The following TMEM97 variants were observed in gnomAD, a reference collection of about 807,000 sequenced individuals.
The protein encoded by TMEM97 is sigma intracellular receptor 2.
In TMEM97, 13 loss-of-function variants were observed where a neutral mutation model predicts 18.3. The ratio of observed to expected loss-of-function variants is 0.71; its 90% CI spans 0.46 to 1.13. TMEM97 has a LOEUF of 1.13. Among genes scored for constraint, TMEM97 ranks in the 50% most tolerant of loss-of-function variants. TMEM97 has a pLI of 0.00. For missense variants in TMEM97, 205 were observed against 210.5 expected, an observed-to-expected ratio of 0.97 and a Z score of 0.16; for synonymous variants, 76 against 85.3, an observed-to-expected ratio of 0.89 and a Z score of 0.60.
At position 28,325,539 on chromosome 17, in the gene TMEM97, A is replaced by G; in HGVS notation, c.163A>G (p.Lys55Glu). Residue 55 changes from lysine to glutamate, a missense_variant, in exon 2 of 3, where the codon AAA (lysine) becomes GAA (glutamate). Physicochemically the swap from Lys to Glu is moderately conservative, Grantham distance 56 (BLOSUM62 1). Transcript: ENST00000226230. Reference sequence around the variant, plus strand: ...GCTGAAGTGGTATGCTAAGGAGTTCAAAGACCCACTGCTACAGGAGCCCCC... The same window carrying G: ...GCTGAAGTGGTATGCTAAGGAGTTCGAAGACCCACTGCTACAGGAGCCCCC... ...NLLKWYAKEF[K>E]DPLLQEPPAW... The G allele has an allele frequency of 6.2e-7, 1 of 1,614,184 alleles. No homozygotes were observed. Among genetic ancestry groups the G allele is most frequent in the Non-Finnish European group, 8.5e-7 (1 of 1,180,028 alleles).
chr17:28,320,807 C>T (rs1244662599), intron 1 of TMEM97, among the ~76,000 whole-genome samples: 2 of 152,190 alleles, frequency 1.3e-5, no homozygotes, highest in Non-Finnish European at 2.9e-5. Context: ...TGCCAATGTT[C>T]CTTGGCTTGT....
At chr17:28,326,443 A>C (rs1906339914) in intron 2 of TMEM97, 91 bp from the exon 3 acceptor site, 6 of 1,471,590 alleles carry the variant, frequency 4.1e-6, no homozygotes, top group Non-Finnish European at 5.5e-6. Flanking sequence ...GGAGTAGAAG[A>C]AAGCAGGCAG....
In TMEM97 at chr17:28,327,440, C is replaced by T. The variant is rs139090480; in HGVS notation, c.*647C>T. The T allele has an allele frequency of 6.5e-6, 1 of 153,026 alleles. No homozygotes were observed. The highest frequency in any genetic ancestry group is 2.4e-5 in the African/African-American group (1 of 41,566). The allele number at this position is 153,026 out of a possible 1,614,324, so 9.5% of individuals were successfully genotyped here. A position where few individuals can be genotyped will look rare whatever the true frequency, so the allele number is the denominator to read the frequency against. On this transcript the variant is annotated 3_prime_UTR_variant, in exon 3 of 3. Transcript: ENST00000226230. ...GACCAGAAACTGCTAAAGAACATGG[C>T]CTGTTTGACATGTTCATGAGTCACC...
Position 28,327,135 on chromosome 17 carries a change from T to C in TMEM97, c.*342T>C, listed in dbSNP as rs1307966569. On this transcript the variant is annotated 3_prime_UTR_variant, in exon 3 of 3. Transcript: ENST00000226230. ...TACCAACACGTATGGCTAATTTGTT[T>C]TGTTTTTTTTGTGTGTGTGGAGACA... 1.8e-5 allele frequency: 4 copies of C among 223,912 alleles called. No individual in the cohort carries two copies. The highest frequency in any genetic ancestry group is 3.6e-5 in the Non-Finnish European group (4 of 111,056). The allele number at this position is 223,912 out of a possible 1,614,324, so 13.9% of individuals were successfully genotyped here. A position where few individuals can be genotyped will look rare whatever the true frequency, so the allele number is the denominator to read the frequency against.
In TMEM97 at chr17:28,325,569, T is replaced by G; in HGVS notation, c.193T>G (p.Trp65Gly). The G allele has an allele frequency of 6.2e-7, 1 of 1,614,246 alleles. No homozygotes were observed. Among genetic ancestry groups the G allele is most frequent in the African/African-American group, 1.3e-5 (1 of 75,066 alleles). ...CCCACTGCTACAGGAGCCCCCAGCC[T>G]GGTTTAAGTCCTTTCTGTTTTGCGA... ...KDPLLQEPPA[W>G]FKSFLFCELV... is the part of the protein sequence containing the mutation. Residue 65 changes from tryptophan to glycine, a missense_variant, in exon 2 of 3, where the codon TGG (tryptophan) becomes GGG (glycine). Trp to Gly is a radical substitution (Grantham distance 184, BLOSUM62 -2). Transcript: ENST00000226230.
At chr17:28,326,173 A>G (rs536663194) in intron 2 of TMEM97, among the ~76,000 whole-genome samples, 8 of 152,194 alleles carry the variant, frequency 5.3e-5, no homozygotes, top group Non-Finnish European at 1.0e-4. Context: ...GGGTCACTGA[A>G]TCTGCCTTCT....
rs1490970557 is a variant in TMEM97, at chr17:28,326,902, C to G, written c.*109C>G. The G allele has an allele frequency of 6.8e-6, 9 of 1,325,186 alleles. No individual in the cohort carries two copies. The highest frequency in any genetic ancestry group is 9.3e-6 in the Non-Finnish European group (9 of 972,414). The allele number at this position is 1,325,186 out of a possible 1,614,324, so 82.1% of individuals were successfully genotyped here. A position where few individuals can be genotyped will look rare whatever the true frequency, so the allele number is the denominator to read the frequency against. ...CACGTCTTCAGCAGCATTTGAAACA[C>G]TGGCAGCAATGCACAAGAGCAAGAT... On this transcript the variant is annotated 3_prime_UTR_variant, in exon 3 of 3. Coordinates refer to ENST00000226230, the MANE Select transcript of TMEM97 (RefSeq NM_014573.3).
At chr17:28,326,513 C>A (rs1597780990) in intron 2 of TMEM97, 21 bp from the exon 3 acceptor site, 8 of 1,605,698 alleles carry the variant, frequency 5.0e-6, no homozygotes, top group Non-Finnish European at 6.8e-6. Context: ...AACCATTTTT[C>A]TTTTCCCCTG....
In TMEM97 at chr17:28,326,915, A is replaced by C. The variant is rs1906375063; in HGVS notation, c.*122A>C. ...GCATTTGAAACACTGGCAGCAATGC[A>C]CAAGAGCAAGATGGTGTCAGGAACC... On this transcript the variant is annotated 3_prime_UTR_variant, in exon 3 of 3. Transcript: ENST00000226230. 1 of 1,236,392 alleles carries C rather than the reference A, an allele frequency of 8.1e-7. No homozygotes were observed. Among genetic ancestry groups the C allele is most frequent in the Admixed American group, 2.3e-5 (1 of 44,156 alleles). The allele number at this position is 1,236,392 out of a possible 1,614,324, so 76.6% of individuals were successfully genotyped here. A position where few individuals can be genotyped will look rare whatever the true frequency, so the allele number is the denominator to read the frequency against.
At position 28,319,356 on chromosome 17, in the gene TMEM97, C is replaced by A; in HGVS notation, c.117C>A (p.Tyr39Ter). ...DLQAVLPRELYPVEFRNLLKW... is the reference protein window; with the variant it reads ...DLQAVLPREL ...AGGCGGTGCTGCCGCGCGAGCTCTACCCAGTCGAGGTGAGGGGCGCCCCTC... is the reference window on the plus strand; with the variant it reads ...AGGCGGTGCTGCCGCGCGAGCTCTAACCAGTCGAGGTGAGGGGCGCCCCTC... The change falls in exon 1 of 3, where the codon TAC becomes TAA. Residue 39 changes from tyrosine (Y) to a stop codon, truncating the protein, a stop_gained. Coordinates refer to ENST00000226230, the MANE Select transcript of TMEM97 (RefSeq NM_014573.3). LOFTEE classifies it high-confidence loss of function. The A allele has an allele frequency of 1.2e-6, 2 of 1,601,238 alleles. No individual in the cohort carries two copies. The highest frequency in any genetic ancestry group is 1.7e-6 in the Non-Finnish European group (2 of 1,173,876).
chr17:28,322,337 C>G (rs145467782), intron 1 of TMEM97, among the ~76,000 whole-genome samples: 1 of 151,614 alleles, frequency 6.6e-6, no homozygotes, highest in Non-Finnish European at 1.5e-5. Context: ...CTCTGCCTCT[C>G]GGGTTCAAGC....
Position 28,326,941 on chromosome 17 carries a change from A to C in TMEM97, c.*148A>C. On this transcript the variant is annotated 3_prime_UTR_variant, in exon 3 of 3. Coordinates refer to ENST00000226230, the MANE Select transcript of TMEM97 (RefSeq NM_014573.3). ...CAAGAGCAAGATGGTGTCAGGAACC[A>C]TGTCAAACCCTCACCTTCTTCCATT... The C allele has an allele frequency of 1.0e-6, 1 of 1,004,638 alleles. No homozygotes were observed. The highest frequency in any genetic ancestry group is 1.5e-6 in the Non-Finnish European group (1 of 687,702). The allele number at this position is 1,004,638 out of a possible 1,614,324, so 62.2% of individuals were successfully genotyped here.
chr17:28,319,592 T>TA (rs1906063536), intron 1 of TMEM97: 2 of 458,684 alleles, frequency 4.4e-6, no homozygotes, highest in Admixed American at 8.7e-5. Flanking sequence ...TTGTTTCCTT[T>TA]AAAGTCACTT....
In TMEM97 at chr17:28,326,558, C is replaced by T. The variant is rs1906347443; in HGVS notation, c.296C>T (p.Pro99Leu). The change falls in exon 3 of 3, where the codon CCT becomes CTT. Residue 99 changes from proline (P) to leucine (L), a missense_variant. Transcript: ENST00000226230. ...GGAAGCTGCAAGTGGATTCGAACTC[C>T]TGCAATCATCTACTCTGTTCACACC... is the stretch of plus-strand genomic sequence containing the variant. ...LKGSCKWIRT[P>L]AIIYSVHTMT... 1.2e-6 allele frequency: 2 copies of T among 1,613,800 alleles called. No homozygotes were observed. The highest frequency in any genetic ancestry group is 8.5e-7 in the Non-Finnish European group (1 of 1,179,830).
chr17:28,325,631 G>A lies in TMEM97; in HGVS notation c.255G>A (p.Thr85=), dbSNP rs782039341. The change falls in exon 2 of 3, where the codon ACG becomes ACA. Residue 85 remains threonine, a synonymous_variant. Transcript: ENST00000226230. ...VFQLPFFPIA[T]YAFLKGSCKW... ...AGCTGCCTTTCTTTCCCATTGCAAC[G>A]TATGCCTTCCTCAAAGGTTGGTAAA... 1.2e-5 allele frequency: 20 copies of A among 1,613,982 alleles called. No homozygotes were observed. In the African/African-American group the frequency reaches 1.6e-4, roughly 13 times the overall value.
chr17:28,321,892 CTG>C (rs1255640687), intron 1 of TMEM97, among the ~76,000 whole-genome samples: 1 of 144,550 alleles, frequency 6.9e-6, no homozygotes, highest in Admixed American at 6.9e-5. Flanking sequence ...GTGTGTGTAT[CTG>C]TGTGTGTGAT....
rs1906438823 is a variant in TMEM97 at position 28,328,014 on chromosome 17, C to T, written c.*1221C>T. 1 of 152,760 alleles carries T rather than the reference C, an allele frequency of 6.5e-6. No individual in the cohort carries two copies. Among genetic ancestry groups the T allele is most frequent in the Admixed American group, 6.5e-5 (1 of 15,292 alleles). 9.5% of individuals were successfully genotyped at this position (152,760 alleles called of 1,614,324 possible). A position where few individuals can be genotyped will look rare whatever the true frequency, so the allele number is the denominator to read the frequency against. On this transcript the variant is annotated 3_prime_UTR_variant, in exon 3 of 3. Coordinates refer to ENST00000226230, the MANE Select transcript of TMEM97 (RefSeq NM_014573.3). Reference sequence around the variant, plus strand: ...GCTACAGCCAGGCATAACATATCCACTGTGTGCATAGAGGGTCTCTTCACG... The same window carrying T: ...GCTACAGCCAGGCATAACATATCCATTGTGTGCATAGAGGGTCTCTTCACG...
At chr17:28,322,672 GA>G (rs1471798462) in intron 1 of TMEM97, among the ~76,000 whole-genome samples, 1 of 152,176 alleles carries the variant, frequency 6.6e-6, no homozygotes, top group African/African-American at 2.4e-5. Flanking sequence ...TAAAAATAAG[GA>G]AAAACAAGTG....
chr17:28,326,310 G>A (rs782290594), intron 2 of TMEM97, among the ~76,000 whole-genome samples: 3 of 152,166 alleles, frequency 2.0e-5, no homozygotes, highest in Non-Finnish European at 4.4e-5. Context: ...GAGCTTTTCC[G>A]AGTTATGTTC....
Sources: gnomAD v4.1 joint callset for allele counts (sites outside exome capture counted in the v4.1 genomes callset) on GRCh38, gnomAD v4.1.1 for gene constraint, MANE v1.5 for transcripts, NCBI Gene and HGNC (gene_info 2026-07-23, HGNC 2026-07-21) for gene names.